Variants in CEACAM4 observed in about 807,000 individuals in gnomAD.
CEACAM4 encodes the protein cell adhesion molecule CEACAM4.
A neutral mutation model predicts 28.7 loss-of-function variants in CEACAM4; 30 were observed. That is an observed-to-expected ratio of 1.05 (90% CI 0.78 to 1.42). CEACAM4 has a LOEUF of 1.42. CEACAM4 is among the 40% of genes most tolerant of loss of function. CEACAM4 has a pLI of 0.00. For synonymous variants in CEACAM4, 143 were observed against 126.5 expected, an observed-to-expected ratio of 1.13 and a Z score of -0.87; for missense variants, 330 against 308.2, an observed-to-expected ratio of 1.07 and a Z score of -0.53.
chr19:41,623,484 T>C (rs1555802605), intron 2 of CEACAM4, among the ~76,000 whole-genome samples: 1 of 147,494 alleles, frequency 6.8e-6, no homozygotes, highest in East Asian at 2.0e-4. Flanking sequence ...AGCCAGGACA[T>C]GATGTACTGG....
At chr19:41,618,093 A>G (rs1174663900), downstream of CEACAM4, among the ~76,000 whole-genome samples, 1 of 149,386 alleles carries the variant, frequency 6.7e-6, no homozygotes, top group Admixed American at 6.6e-5. Flanking sequence ...ACCTGGTTCA[A>G]GTGAACCTAT....
rs1368306838 is a variant in CEACAM4, at chr19:41,621,743, C to T, written c.450G>A (p.Val150=). 3.1e-6 allele frequency: 5 copies of T among 1,612,086 alleles called. No individual in the cohort carries two copies. Among genetic ancestry groups the T allele is most frequent in the Non-Finnish European group, 4.2e-6 (5 of 1,178,286 alleles). ...CAGTCACGATGCCAGCGACGGCCCC[C>T]ACAGGAAGGCCTGGGACGTTGTTTT... is the stretch of plus-strand genomic sequence containing the variant. ...VHQNNVPGLP[V]GAVAGIVTGV... The change falls in exon 3 of 7, where the codon GTG becomes GTA. Residue 150 remains valine, a synonymous_variant. Coordinates refer to ENST00000221954, the MANE Select transcript of CEACAM4 (RefSeq NM_001817.4).
chr19:41,619,627 C>G, intron 6 of CEACAM4, 43 bp downstream of exon 6: 1 of 1,576,302 alleles, frequency 6.3e-7, no homozygotes, highest in Non-Finnish European at 8.6e-7. Flanking sequence ...ATCCTGGGTC[C>G]CCTGGAGCCT....
At chr19:41,623,356 T>C (rs1555802448) in intron 2 of CEACAM4, among the ~76,000 whole-genome samples, 1 of 151,230 alleles carries the variant, frequency 6.6e-6, no homozygotes, top group Non-Finnish European at 1.5e-5. Flanking sequence ...AATTTCAACA[T>C]CCCTGCCACA....
downstream of CEACAM4, among the ~76,000 whole-genome samples, chr19:41,616,508 GATAGATAGATA>G: frequency 6.9e-6 from 1 of 144,418 alleles, no homozygotes; most frequent in South Asian, 2.3e-4. Context: ...TAGATAGATA[GATAGATAGATA>G]GATAGATAGA....
rs1040120130 is a variant in CEACAM4 at position 41,621,698 on chromosome 19, A to G, written c.495T>C (p.Ala165=). The G allele has an allele frequency of 6.2e-7, 1 of 1,612,668 alleles. No homozygotes were observed. ...GIVTGVLVGV[A]LVAALVCFLL... ...GAAAACACACCAGGGCGGCCACCAG[A>G]GCCACCCCAACCAGGACCCCAGTCA... Residue 165 remains alanine, a synonymous_variant, in exon 3 of 7, where the codon GCT becomes GCC. Coordinates refer to ENST00000221954, the MANE Select transcript of CEACAM4 (RefSeq NM_001817.4).
downstream of CEACAM4, among the ~76,000 whole-genome samples, chr19:41,614,587 T>C (rs2070965532): frequency 1.3e-5 from 2 of 152,198 alleles, no homozygotes; most frequent in South Asian, 2.1e-4. Flanking sequence ...CTCTTAACCG[T>C]CCATCCTCCA....
chr19:41,620,616 T>C lies in CEACAM4; in HGVS notation c.554A>G (p.Gln185Arg). The C allele has an allele frequency of 1.2e-6, 2 of 1,612,314 alleles. No homozygotes were observed. The highest frequency in any genetic ancestry group is 2.2e-5 in the South Asian group (2 of 90,942). ...LLSRTGRASI[Q>R]RDLREQPPPA... ...GGGCGGCTGCTCCCTGAGGTCACGC[T>C]GGATGCTGGCCCTAGGAAAGGTCAG... is the stretch of plus-strand genomic sequence containing the variant. The change falls in exon 4 of 7, where the codon CAG becomes CGG. Residue 185 changes from glutamine (Q) to arginine (R), a missense_variant. Gln to Arg is a conservative substitution (Grantham distance 43). Coordinates refer to ENST00000221954, the MANE Select transcript of CEACAM4 (RefSeq NM_001817.4).
chr19:41,625,961 C>A lies in CEACAM4; in HGVS notation c.65-1G>T. 1 of 1,604,592 alleles carries A rather than the reference C, an allele frequency of 6.2e-7. No homozygotes were observed. The highest frequency in any genetic ancestry group is 8.5e-7 in the Non-Finnish European group (1 of 1,174,738). ...GGGTGCCAGAAGGTTAAAAGTGAGG[C>A]TAGGAGGTGAAGACAGCATCAGTCA... On this transcript the variant is annotated splice_acceptor_variant, in intron 1 of 6. Transcript: ENST00000221954. LOFTEE classifies it high-confidence loss of function.
rs2071098425 is a variant in CEACAM4, at chr19:41,619,241, C to G, written c.*89G>C. On this transcript the variant is annotated 3_prime_UTR_variant, in exon 7 of 7. Coordinates refer to ENST00000221954, the MANE Select transcript of CEACAM4 (RefSeq NM_001817.4). ...CTCCTCAGGACTCAGAGCTGGTTCT[C>G]TGGCTCAGGCTCCATGTCCTTCCCC... is the stretch of plus-strand genomic sequence containing the variant. The G allele has an allele frequency of 9.2e-6, 10 of 1,090,130 alleles. No individual in the cohort carries two copies. In the South Asian group the frequency reaches 1.3e-4, roughly 14 times the overall value. 67.5% of individuals were successfully genotyped at this position (1,090,130 alleles called of 1,614,324 possible). A position where few individuals can be genotyped will look rare whatever the true frequency, so the allele number is the denominator to read the frequency against.
chr19:41,620,672 C>T (rs782004360), intron 3 of CEACAM4, 45 bp from the exon 4 acceptor site: 18 of 1,519,288 alleles, frequency 1.2e-5, no homozygotes, highest in Middle Eastern at 1.7e-4. Context: ...GGAGAAATCA[C>T]AGGTTTAGGG....
chr19:41,615,958 G>A (rs914904576), downstream of CEACAM4, among the ~76,000 whole-genome samples: 2 of 152,184 alleles, frequency 1.3e-5, no homozygotes, highest in Non-Finnish European at 2.9e-5. Context: ...CTGGGGATGT[G>A]TGCTGAAGAG....
chr19:41,615,403 G>C (rs199822355), downstream of CEACAM4, among the ~76,000 whole-genome samples: 7 of 152,210 alleles, frequency 4.6e-5, no homozygotes, highest in East Asian at 1.4e-3. Flanking sequence ...GAAGCCTCAG[G>C]TGTGTGGAGC....
In CEACAM4 at chr19:41,625,635, G is replaced by A. The variant is rs2071591071; in HGVS notation, c.390C>T (p.Asp130=). 2 of 1,592,708 alleles carry A rather than the reference G, an allele frequency of 1.3e-6. No homozygotes were observed. The highest frequency in any genetic ancestry group is 2.2e-5 in the East Asian group (1 of 44,712). ...YTLRTINASY[D]SDQATGQLHV... The stretch of plus-strand genomic sequence containing the variant: ...GGAGCTGGCCAGTTGCTTGGTCAGA[G>A]TCGTAACTGGCATTTATGGTTCGTA... The change falls in exon 2 of 7, where the codon GAC becomes GAT. Residue 130 remains aspartate (D), a synonymous_variant. Transcript: ENST00000221954.
downstream of CEACAM4, among the ~76,000 whole-genome samples, chr19:41,617,400 C>T (rs1264866977): frequency 6.6e-6 from 1 of 152,082 alleles, no homozygotes; most frequent in Non-Finnish European, 1.5e-5. Flanking sequence ...TTGTAGTGAA[C>T]GATGATGAGA....
chr19:41,626,969 C>T lies in CEACAM4; in HGVS notation c.-6G>A, dbSNP rs782084178. 5.0e-6 allele frequency: 8 copies of T among 1,601,280 alleles called. No homozygotes were observed. The Admixed American group carries it at 1.4e-4, about 27-fold the overall frequency. Reference sequence around the variant, plus strand: ...GCGGCTGAGGGGGGGCCCATGGTCTCTGCTGCCTGCTTGTCCTCTGTGGAG... The same window carrying T: ...GCGGCTGAGGGGGGGCCCATGGTCTTTGCTGCCTGCTTGTCCTCTGTGGAG... On this transcript the variant is annotated 5_prime_UTR_variant, in exon 1 of 7. Transcript: ENST00000221954.
chr19:41,618,957 T>C (rs2071079426), downstream of CEACAM4: 1 of 246,878 alleles, frequency 4.1e-6, no homozygotes, highest in South Asian at 1.2e-4. Flanking sequence ...CGGGAGAGAA[T>C]GGACACGGAG....
chr19:41,623,813 C>CT (rs1477586992), intron 2 of CEACAM4, among the ~76,000 whole-genome samples: 5 of 152,078 alleles, frequency 3.3e-5, no homozygotes, highest in Non-Finnish European at 5.9e-5. Flanking sequence ...TAAATATTTA[C>CT]TTTTTTTCTA....
At chr19:41,626,376 T>C (rs1452982614) in intron 1 of CEACAM4, among the ~76,000 whole-genome samples, 3 of 152,106 alleles carry the variant, frequency 2.0e-5, no homozygotes, top group Non-Finnish European at 4.4e-5. Context: ...ATTCTAGATC[T>C]CTTTAGGTGT....
Sources: allele counts gnomAD v4.1 joint callset (sites outside exome capture counted in the v4.1 genomes callset), GRCh38; gene constraint gnomAD v4.1.1; transcripts MANE v1.5; gene names NCBI Gene and HGNC (gene_info 2026-07-23, HGNC 2026-07-21).